The following SORCS2 variants were observed in gnomAD, a reference collection of about 807,000 sequenced individuals.
SORCS2 encodes the protein VPS10 domain-containing receptor SorCS2.
Under a neutral mutation model 141.6 loss-of-function variants are expected in SORCS2, and 100 were observed. That is an observed-to-expected ratio of 0.71 (90% CI 0.60 to 0.83). The LOEUF (loss-of-function observed/expected upper bound fraction) is 0.83. Among genes scored for constraint, SORCS2 ranks in the 40% least tolerant of loss-of-function variants. The pLI is 0.00. For synonymous variants in SORCS2, 789 were observed against 676.9 expected (o/e 1.17, Z -2.57); for missense variants, 1,646 against 1,560.2 (o/e 1.05, Z -0.93).
chr4:7,512,437 G>A (rs902465421), intron 2 of SORCS2, among the ~76,000 whole-genome samples: 5 of 151,560 alleles, frequency 3.3e-5, no homozygotes, highest in African/African-American at 9.7e-5. Flanking sequence ...GGGGAAGGGA[G>A]GGAGGACAGT....
chr4:7,335,443 G>A (rs942114884), intron 1 of SORCS2, among the ~76,000 whole-genome samples: 4 of 152,236 alleles, frequency 2.6e-5, no homozygotes, highest in African/African-American at 9.6e-5. Flanking sequence ...AGGCCCGACA[G>A]ACCCCACACG....
At chr4:7,558,032 C>G (rs1714262501) in intron 3 of SORCS2, among the ~76,000 whole-genome samples, 1 of 152,180 alleles carries the variant, frequency 6.6e-6, no homozygotes, top group Non-Finnish European at 1.5e-5. Context: ...TCTGAGGTTT[C>G]CTACAACACT....
intron 1 of SORCS2, among the ~76,000 whole-genome samples, chr4:7,218,503 T>G (rs1728509337): frequency 6.6e-6 from 1 of 152,244 alleles, no homozygotes; most frequent in Non-Finnish European, 1.5e-5. Flanking sequence ...CCCACTGAAA[T>G]AATTCCTCTC....
chr4:7,543,208 C>T (rs1469581207), intron 3 of SORCS2, among the ~76,000 whole-genome samples: 3 of 152,290 alleles, frequency 2.0e-5, no homozygotes, highest in South Asian at 4.1e-4. Flanking sequence ...TAAGAAAGTC[C>T]ACTTGCTGCA....
At chr4:7,691,458 A>G (rs1724248496) in intron 11 of SORCS2, among the ~76,000 whole-genome samples, 2 of 152,150 alleles carry the variant, frequency 1.3e-5, no homozygotes, top group African/African-American at 4.8e-5. Context: ...GTCTGACGGC[A>G]GAGACCTGGC....
chr4:7,380,247 G>A (rs1419388267), intron 1 of SORCS2, among the ~76,000 whole-genome samples: 1 of 152,198 alleles, frequency 6.6e-6, no homozygotes, highest in Non-Finnish European at 1.5e-5. Flanking sequence ...AGCATAGGGA[G>A]CTTGTCTGGG....
intron 2 of SORCS2, among the ~76,000 whole-genome samples, chr4:7,520,570 C>T (rs889986998): frequency 2.0e-5 from 3 of 152,130 alleles, no homozygotes; most frequent in Non-Finnish European, 4.4e-5. Flanking sequence ...ACCAGCAAGC[C>T]GTGGCAGGCA....
chr4:7,359,310 AAAC>A (rs1012182874), intron 1 of SORCS2, among the ~76,000 whole-genome samples: 3 of 107,780 alleles, frequency 2.8e-5, no homozygotes, highest in Non-Finnish European at 7.0e-5. Context: ...ACAAGCAAAT[AAAC>A]AAAAAAAACA....
intron 10 of SORCS2, among the ~76,000 whole-genome samples, chr4:7,684,653 G>A (rs1456389228): frequency 6.6e-6 from 1 of 152,194 alleles, no homozygotes; most frequent in Non-Finnish European, 1.5e-5. Context: ...AAAAGTACCC[G>A]TTTGACAGGT....
chr4:7,219,685 A>G (rs1006666852), intron 1 of SORCS2, among the ~76,000 whole-genome samples: 2 of 152,182 alleles, frequency 1.3e-5, no homozygotes, highest in Non-Finnish European at 2.9e-5. Context: ...GGGGGAAACC[A>G]CCCCATGATC....
At chr4:7,278,393 G>A (rs1715651262) in intron 1 of SORCS2, among the ~76,000 whole-genome samples, 1 of 150,020 alleles carries the variant, frequency 6.7e-6, no homozygotes, top group African/African-American at 2.4e-5. Flanking sequence ...CTTTGCCTCT[G>A]TTTTGTGAGA....
chr4:7,332,406 G>T (rs6838006), intron 1 of SORCS2, among the ~76,000 whole-genome samples: 1 of 151,998 alleles, frequency 6.6e-6, no homozygotes, highest in Non-Finnish European at 1.5e-5. Flanking sequence ...ATAGGAATGT[G>T]GTGGCCCACA....
At chr4:7,694,252 G>C (rs747665007) in intron 11 of SORCS2, among the ~76,000 whole-genome samples, 1 of 152,186 alleles carries the variant, frequency 6.6e-6, no homozygotes, top group Non-Finnish European at 1.5e-5. Flanking sequence ...GGCCCAAAGA[G>C]ACACCAGAAC....
intron 2 of SORCS2, among the ~76,000 whole-genome samples, chr4:7,428,725 G>A (rs62277596): frequency 4.1e-4 from 63 of 152,210 alleles, no homozygotes; most frequent in African/African-American, 1.4e-3. Flanking sequence ...AAGGGGAGGG[G>A]CTGGGCTGCA....
At chr4:7,392,890 C>G (rs1018735144) in intron 1 of SORCS2, among the ~76,000 whole-genome samples, 6 of 57,458 alleles carry the variant, frequency 1.0e-4, no homozygotes, top group African/African-American at 3.2e-4. Flanking sequence ...ATATGGGCCC[C>G]TCCCAGTCGG....
chr4:7,726,191 A>G (rs1248034857), intron 20 of SORCS2, among the ~76,000 whole-genome samples: 1 of 152,186 alleles, frequency 6.6e-6, no homozygotes, highest in African/African-American at 2.4e-5. Flanking sequence ...TGCGGTGGCC[A>G]TGTGTGGAGA....
chr4:7,533,122 C>G (rs73214632), intron 3 of SORCS2, among the ~76,000 whole-genome samples: 2 of 152,214 alleles, frequency 1.3e-5, no homozygotes, highest in South Asian at 2.1e-4. Flanking sequence ...GGACATTGGA[C>G]GAGAGAGGTG....
intron 1 of SORCS2, among the ~76,000 whole-genome samples, chr4:7,324,520 G>A (rs1719113044): frequency 6.6e-6 from 1 of 152,226 alleles, no homozygotes. Flanking sequence ...GTCCTTGACA[G>A]GTGGGACTGT....
intron 3 of SORCS2, among the ~76,000 whole-genome samples, chr4:7,612,710 C>G (rs1051690751): frequency 2.6e-5 from 4 of 152,232 alleles, no homozygotes; most frequent in Non-Finnish European, 4.4e-5. Flanking sequence ...TCAATAACAA[C>G]TGTTCATGTT....
Sources: allele counts gnomAD v4.1 joint callset (sites outside exome capture counted in the v4.1 genomes callset), GRCh38; gene constraint gnomAD v4.1.1; transcripts MANE v1.5; gene names NCBI Gene and HGNC (gene_info 2026-07-23, HGNC 2026-07-21).